IPO11: variants seen among roughly 807,000 people sequenced by gnomAD.
IPO11 encodes importin-11.
IPO11 carries 66 observed loss-of-function variants against 143.2 expected under a neutral mutation model. That is an observed-to-expected ratio of 0.46 (90% CI 0.38 to 0.57). IPO11 has a LOEUF of 0.57. IPO11 is among the 20% of genes least tolerant of loss of function. The pLI is 0.00. For synonymous variants in IPO11, 385 were observed against 377.8 expected (o/e 1.02, Z -0.22); for missense variants, 1,026 against 1,141.0 (o/e 0.90, Z 1.45).
chr5:62,497,200 T>G (rs1741186583), intron 16 of IPO11, among the ~76,000 whole-genome samples: 1 of 152,166 alleles, frequency 6.6e-6, no homozygotes, highest in Admixed American at 6.5e-5. Flanking sequence ...CTGTCAATTT[T>G]TTTTTCTTTT....
chr5:62,609,788 G>C (rs529349428), intron 29 of IPO11, among the ~76,000 whole-genome samples: 10 of 152,340 alleles, frequency 6.6e-5, no homozygotes, highest in African/African-American at 1.9e-4. Context: ...GTCCCCAGGG[G>C]TCTGGGAGCA....
At chr5:62,576,792 C>T (rs531316939) in intron 27 of IPO11, among the ~76,000 whole-genome samples, 3 of 152,318 alleles carry the variant, frequency 2.0e-5, no homozygotes, top group South Asian at 4.1e-4. Context: ...CAAAAGAATA[C>T]ATGCATCCAT....
At chr5:62,616,848 T>C (rs554043888) in intron 29 of IPO11, among the ~76,000 whole-genome samples, 1 of 152,258 alleles carries the variant, frequency 6.6e-6, no homozygotes, top group African/African-American at 2.4e-5. Flanking sequence ...ATGGAAAATT[T>C]TTAGCCCCTT....
intron 27 of IPO11, chr5:62,580,567 T>A: frequency 6.4e-7 from 1 of 1,551,496 alleles, no homozygotes; most frequent in Non-Finnish European, 8.7e-7. Context: ...GCTAGCATCT[T>A]CAGCCATTAC....
intron 29 of IPO11, among the ~76,000 whole-genome samples, chr5:62,613,657 G>A (rs1286257126): frequency 6.6e-6 from 1 of 152,018 alleles, no homozygotes; most frequent in African/African-American, 2.4e-5. Flanking sequence ...GGCAGGTTGG[G>A]TCTATATTCC....
chr5:62,554,205 A>G (rs1008299895), intron 26 of IPO11, among the ~76,000 whole-genome samples: 8 of 152,052 alleles, frequency 5.3e-5, no homozygotes, highest in Non-Finnish European at 1.0e-4. Flanking sequence ...ATTTGCAACT[A>G]TTTTCTCCCA....
intron 24 of IPO11, among the ~76,000 whole-genome samples, chr5:62,546,131 A>G (rs937861951): frequency 2.6e-5 from 4 of 152,260 alleles, no homozygotes; most frequent in African/African-American, 4.8e-5. Flanking sequence ...TCATGCTGCT[A>G]TAAAGACACA....
intron 29 of IPO11, among the ~76,000 whole-genome samples, chr5:62,618,969 G>A (rs984288890): frequency 6.6e-6 from 1 of 152,022 alleles, no homozygotes; most frequent in Non-Finnish European, 1.5e-5. Flanking sequence ...GGTGGCTTAC[G>A]CCTGTAATGC....
chr5:62,543,888 A>T (rs924287205), intron 24 of IPO11, among the ~76,000 whole-genome samples: 13 of 151,632 alleles, frequency 8.6e-5, no homozygotes, highest in Non-Finnish European at 1.6e-4. Flanking sequence ...ATGTTGTGTC[A>T]TTGTTCTCGT....
At chr5:62,475,222 A>G (rs1406535825) in intron 8 of IPO11, among the ~76,000 whole-genome samples, 3 of 152,134 alleles carry the variant, frequency 2.0e-5, no homozygotes, top group East Asian at 3.9e-4. Context: ...AGATTTAAAA[A>G]AAAAGATTTC....
intron 29 of IPO11, among the ~76,000 whole-genome samples, chr5:62,616,209 A>G (rs1489259029): frequency 1.3e-5 from 2 of 152,132 alleles, no homozygotes; most frequent in African/African-American, 2.4e-5. Flanking sequence ...TTATTCACTG[A>G]GTGGAAGCAG....
chr5:62,449,338 T>C (rs575362468), intron 3 of IPO11, among the ~76,000 whole-genome samples: 109 of 152,352 alleles, frequency 7.2e-4, no homozygotes, highest in African/African-American at 2.5e-3. Flanking sequence ...GTATTGTGTT[T>C]ATTCTTTTCG....
At chr5:62,424,145 T>TG (rs964474452) in intron 1 of IPO11, among the ~76,000 whole-genome samples, 2 of 150,894 alleles carry the variant, frequency 1.3e-5, no homozygotes, top group Non-Finnish European at 3.0e-5. Flanking sequence ...CAGCTTTTTT[T>TG]TTTTTGTTTT....
At chr5:62,513,245 G>C (rs1436080416) in intron 19 of IPO11, among the ~76,000 whole-genome samples, 1 of 151,948 alleles carries the variant, frequency 6.6e-6, no homozygotes, top group Non-Finnish European at 1.5e-5. Context: ...CAGACGGGGC[G>C]GGTGGCCGGG....
chr5:62,431,536 T>A (rs1743987745), intron 1 of IPO11, among the ~76,000 whole-genome samples: 1 of 151,940 alleles, frequency 6.6e-6, no homozygotes, highest in Non-Finnish European at 1.5e-5. Context: ...GGCATAGAGA[T>A]TCAGCTGTGG....
chr5:62,525,356 C>CTTT (rs70981021), intron 20 of IPO11, among the ~76,000 whole-genome samples: 3 of 144,504 alleles, frequency 2.1e-5, no homozygotes, highest in African/African-American at 2.6e-5. Flanking sequence ...TCCTCCCATC[C>CTTT]TTTTTTTTTT....
intron 19 of IPO11, among the ~76,000 whole-genome samples, chr5:62,513,875 C>T (rs1181599477): frequency 1.6e-4 from 22 of 141,470 alleles, no homozygotes; most frequent in African/African-American, 3.7e-4. Flanking sequence ...ACTTCTCAGA[C>T]GGGGCGGCCG....
chr5:62,533,212 C>CTTT (rs996164060), intron 22 of IPO11, among the ~76,000 whole-genome samples: 12 of 90,958 alleles, frequency 1.3e-4, no homozygotes, highest in African/African-American at 2.0e-4. Context: ...TTCTTTCTTT[C>CTTT]TTCTTTTTTT....
intron 28 of IPO11, among the ~76,000 whole-genome samples, chr5:62,596,458 A>G (rs1340701879): frequency 6.6e-6 from 1 of 152,120 alleles, no homozygotes; most frequent in Non-Finnish European, 1.5e-5. Context: ...CACTGGAGGG[A>G]CATAATCAGA....
Sources: gnomAD v4.1 joint callset for allele counts (sites outside exome capture counted in the v4.1 genomes callset) on GRCh38, gnomAD v4.1.1 for gene constraint, MANE v1.5 for transcripts, NCBI Gene and HGNC (gene_info 2026-07-23, HGNC 2026-07-21) for gene names.